RASGEF1A: variants seen among roughly 807,000 people sequenced by gnomAD.
RASGEF1A encodes RasGEF domain family member 1A, also known as ras-GEF domain-containing family member 1A.
In RASGEF1A, 18 loss-of-function variants were observed where a neutral mutation model predicts 56.4. The ratio of observed to expected loss-of-function variants is 0.32; its 90% CI spans 0.22 to 0.47. RASGEF1A has a LOEUF of 0.47. Ranked by LOEUF, RASGEF1A falls within the 20% of genes least tolerant of loss-of-function variation. RASGEF1A has a pLI of 1.00. For missense variants in RASGEF1A, 422 were observed against 627.1 expected (o/e 0.67, Z 3.49); for synonymous variants, 245 against 242.6 (o/e 1.01, Z -0.09).
At chr10:43,241,159 A>C (rs1050021408) in intron 1 of RASGEF1A, among the ~76,000 whole-genome samples, 1 of 152,238 alleles carries the variant, frequency 6.6e-6, no homozygotes, top group Non-Finnish European at 1.5e-5. Context: ...AGGTAACTTT[A>C]CTGGTTTTAT....
chr10:43,240,745 A>G (rs930579725), intron 1 of RASGEF1A, among the ~76,000 whole-genome samples: 1 of 152,198 alleles, frequency 6.6e-6, no homozygotes, highest in Non-Finnish European at 1.5e-5. Flanking sequence ...TATCATATGT[A>G]TAAGAAGAGT....
intron 1 of RASGEF1A, among the ~76,000 whole-genome samples, chr10:43,248,174 G>T (rs1411455393): frequency 6.6e-6 from 1 of 151,648 alleles, no homozygotes; most frequent in African/African-American, 2.4e-5. Flanking sequence ...TGACAAACAT[G>T]GTGAAACCCC....
Position 43,222,817 on chromosome 10 carries a change from T to C in RASGEF1A, c.-6-16695A>G, listed in dbSNP as rs1024721439. On this transcript the variant is annotated intron_variant, in intron 1 of 12. Coordinates refer to ENST00000395810, the MANE Select transcript of RASGEF1A (RefSeq NM_145313.4). ...CACAACCTGAGACTTGCAAATGGCA[T>C]CTGAAGTCGAGGGAGGGGGACAGCC... Among the ~76,000 whole-genome samples the C allele has an allele frequency of 4.5e-4, 68 of 152,204 alleles. 1 individual carries two copies. The highest frequency in any genetic ancestry group is 7.3e-5 in the Non-Finnish European group (5 of 68,042).
At chr10:43,257,290 G>A (rs892521558) in intron 1 of RASGEF1A, among the ~76,000 whole-genome samples, 4 of 152,238 alleles carry the variant, frequency 2.6e-5, no homozygotes, top group African/African-American at 9.6e-5. Context: ...AAGCCTCGCT[G>A]ACACACTGGT....
In RASGEF1A at chr10:43,205,911, G is replaced by A. The variant is rs749851824; in HGVS notation, c.198+8C>T. The A allele has an allele frequency of 2.2e-5, 36 of 1,606,904 alleles. No homozygotes were observed. Among genetic ancestry groups the A allele is most frequent in the Admixed American group, 1.2e-4 (7 of 59,932 alleles). On this transcript the variant is annotated splice_region_variant and intron_variant, in intron 2 of 12. Transcript: ENST00000395810. ...TTAGTCTCACTCCACAAGGCCCCAC[G>A]TACTCACATCGGGGTAATAGTCCAC...
At chr10:43,262,799 A>G (rs1836558592) in intron 1 of RASGEF1A, among the ~76,000 whole-genome samples, 1 of 152,240 alleles carries the variant, frequency 6.6e-6, no homozygotes, top group Non-Finnish European at 1.5e-5. Flanking sequence ...GTAGGGGAAC[A>G]GACTGCTGGG....
intron 1 of RASGEF1A, among the ~76,000 whole-genome samples, chr10:43,220,255 T>C (rs1840190679): frequency 1.3e-5 from 2 of 152,178 alleles, no homozygotes; most frequent in African/African-American, 2.4e-5. Flanking sequence ...ATCCTGGCAC[T>C]TTAGGAAGCC....
chr10:43,252,303 C>T (rs1840634973), intron 1 of RASGEF1A, among the ~76,000 whole-genome samples: 1 of 152,192 alleles, frequency 6.6e-6, no homozygotes, highest in African/African-American at 2.4e-5. Flanking sequence ...CAGTGCACCC[C>T]AGAAGGAGCA....
intron 1 of RASGEF1A, 34 bp from the exon 2 acceptor site, chr10:43,206,156 AG>A: frequency 6.6e-7 from 1 of 1,518,022 alleles, no homozygotes; most frequent in Non-Finnish European, 8.9e-7. Flanking sequence ...GAGGCATCAA[AG>A]GCGCCTCCAC....
At chr10:43,209,809 A>T (rs1840041854) in intron 1 of RASGEF1A, among the ~76,000 whole-genome samples, 1 of 152,070 alleles carries the variant, frequency 6.6e-6, no homozygotes, top group East Asian at 1.9e-4. Flanking sequence ...GGCCACCCTG[A>T]CCCCAGAGAG....
chr10:43,247,334 A>G (rs1215146080), intron 1 of RASGEF1A, among the ~76,000 whole-genome samples: 5 of 84,908 alleles, frequency 5.9e-5, no homozygotes, highest in African/African-American at 1.7e-4. Context: ...TGTGCAATCT[A>G]TTCAGAAAAT....
At chr10:43,263,927 C>T (rs1836578632) in intron 1 of RASGEF1A, among the ~76,000 whole-genome samples, 1 of 152,120 alleles carries the variant, frequency 6.6e-6, no homozygotes, top group Non-Finnish European at 1.5e-5. Context: ...ACAGCACAGG[C>T]CCCGCTTGAG....
chr10:43,202,069 A>C, intron 3 of RASGEF1A, 124 bp from the exon 4 acceptor site: 1 of 1,061,696 alleles, frequency 9.4e-7, no homozygotes, highest in Non-Finnish European at 1.3e-6. Context: ...ACAGCCCCCA[A>C]CTGCGTGCCA....
In RASGEF1A at chr10:43,195,917, ATTT is replaced by A. The variant is rs1411226304; in HGVS notation, c.*324_*326del. 1 of 181,110 alleles carries A rather than the reference ATTT, an allele frequency of 5.5e-6. No individual in the cohort carries two copies. The highest frequency in any genetic ancestry group is 1.1e-5 in the Non-Finnish European group (1 of 87,130). 11.2% of individuals were successfully genotyped at this position (181,110 alleles called of 1,614,324 possible). A position where few individuals can be genotyped will look rare whatever the true frequency, so the allele number is the denominator to read the frequency against. On this transcript the variant is annotated 3_prime_UTR_variant, in exon 13 of 13. Coordinates refer to ENST00000395810, the MANE Select transcript of RASGEF1A (RefSeq NM_145313.4). The surrounding 1 kb of genome is among the most constrained non-coding windows in gnomAD (Gnocchi z 4.2). The stretch of plus-strand genomic sequence containing the variant: ...TGGTTTTGGCTGGGTTTTTTAAAAT[ATTT>A]TTTTCATAAGATGTTAATAATCAAA...
chr10:43,265,967 G>T (rs991375895), intron 1 of RASGEF1A, among the ~76,000 whole-genome samples: 5 of 152,236 alleles, frequency 3.3e-5, no homozygotes, highest in Admixed American at 2.6e-4. Flanking sequence ...TGGCAGTGGT[G>T]GGGAGGGTGA....
chr10:43,252,680 A>T (rs372824546), intron 1 of RASGEF1A, among the ~76,000 whole-genome samples: 2 of 152,248 alleles, frequency 1.3e-5, no homozygotes, highest in African/African-American at 4.8e-5. Flanking sequence ...TCCTAAGCTC[A>T]GGGGCTTTTT....
At chr10:43,266,261 G>A (rs911837529) in intron 1 of RASGEF1A, among the ~76,000 whole-genome samples, 1 of 152,192 alleles carries the variant, frequency 6.6e-6, no homozygotes, top group Non-Finnish European at 1.5e-5. Flanking sequence ...GGGGCAAAGA[G>A]AGCGTGGTCC....
intron 1 of RASGEF1A, among the ~76,000 whole-genome samples, chr10:43,215,322 T>G (rs1435434643): frequency 3.9e-5 from 6 of 152,154 alleles, no homozygotes; most frequent in Non-Finnish European, 8.8e-5. Flanking sequence ...TTCTATTTTT[T>G]AACCTACTCA....
At chr10:43,236,104 G>C (rs1200597545) in intron 1 of RASGEF1A, among the ~76,000 whole-genome samples, 2 of 152,192 alleles carry the variant, frequency 1.3e-5, no homozygotes, top group Admixed American at 1.3e-4. Context: ...CAAAAAGCTT[G>C]CAAGTTAAAG....
Sources: allele counts gnomAD v4.1 joint callset (sites outside exome capture counted in the v4.1 genomes callset), GRCh38; gene constraint gnomAD v4.1.1; non-coding constraint Gnocchi (gnomAD v3.1); transcripts MANE v1.5; gene names NCBI Gene and HGNC (gene_info 2026-07-23, HGNC 2026-07-21).